CCNI: variants seen among roughly 807,000 people sequenced by gnomAD.
The protein encoded by CCNI is cyclin-I.
A neutral mutation model predicts 34.1 loss-of-function variants in CCNI; 14 were observed. The observed-to-expected ratio is 0.41, with a 90% confidence interval of 0.27 to 0.64. The LOEUF (loss-of-function observed/expected upper bound fraction) is 0.64, where lower values mean the gene tolerates loss of function less well. Ranked by LOEUF, CCNI falls within the 30% of genes least tolerant of loss-of-function variation. The probability of loss-of-function intolerance (pLI) is 0.31; values close to 1 mark genes in which losing one functional copy is unlikely to be tolerated. For synonymous variants in CCNI, 154 were observed against 158.4 expected, an observed-to-expected ratio of 0.97 and a Z score of 0.21; for missense variants, 385 against 440.5, an observed-to-expected ratio of 0.87 and a Z score of 1.13.
intron 3 of CCNI, among the ~76,000 whole-genome samples, 195 bp downstream of exon 3, chr4:77,058,312 A>G (rs1578240542): frequency 1.3e-5 from 2 of 152,316 alleles, no homozygotes; most frequent in East Asian, 3.9e-4. Flanking sequence ...AGGGCAACAG[A>G]GCAAAACTAT....
intron 1 of CCNI, among the ~76,000 whole-genome samples, chr4:77,070,017 C>CT (rs569456948): frequency 0.05 from 6,562 of 131,528 alleles, 385 homozygotes; most frequent in African/African-American, 0.13. Flanking sequence ...AAATCATGGG[C>CT]TTTTTTTTTT....
At chr4:77,070,474 CTTTT>C (rs543086530) in intron 1 of CCNI, among the ~76,000 whole-genome samples, 9 of 119,164 alleles carry the variant, frequency 7.6e-5, no homozygotes, top group East Asian at 7.4e-4. Flanking sequence ...TGGGTACTTT[CTTTT>C]TTTTTTTTTT....
chr4:77,060,059 ACT>A (rs1728499678), intron 2 of CCNI, among the ~76,000 whole-genome samples: 1 of 151,638 alleles, frequency 6.6e-6, no homozygotes, highest in Non-Finnish European at 1.5e-5. Flanking sequence ...AACACCATTA[ACT>A]CTAACCTTCA....
chr4:77,055,054 T>C (rs1728115440), intron 6 of CCNI, 96 bp downstream of exon 6: 3 of 764,334 alleles, frequency 3.9e-6, no homozygotes, highest in Non-Finnish European at 6.5e-6. Context: ...TGGTTTGCCA[T>C]TACAACATGA....
Position 77,055,317 on chromosome 4 carries a change from A to T in CCNI, c.523T>A (p.Ser175Thr). The change falls in exon 6 of 7, where the codon TCT becomes ACT. Residue 175 changes from serine (S) to threonine (T), a missense_variant. Around this residue, in one of 2 missense-constraint regions of CCNI, gnomAD observed 250 missense variants for 248.7 expected, o/e 1.01. Transcript: ENST00000237654. Reference protein sequence around the residue: ...LLFSLPKLSPSQHLAVLTKQL... With the variant: ...LLFSLPKLSPTQHLAVLTKQL... Reference sequence around the variant, plus strand: ...TTGGTAAGGACTGCCAAATGTTGAGATGGGCTCAATTTGGGCAAACTGAAA... The same window carrying T: ...TTGGTAAGGACTGCCAAATGTTGAGTTGGGCTCAATTTGGGCAAACTGAAA... 1 of 1,614,228 alleles carries T rather than the reference A, an allele frequency of 6.2e-7. No individual in the cohort carries two copies. The highest frequency in any genetic ancestry group is 8.5e-7 in the Non-Finnish European group (1 of 1,180,024).
chr4:77,075,444 AGCCCCCGCCCCC>A lies in CCNI; in HGVS notation c.-44+16_-44+27del, dbSNP rs559043587. The stretch of plus-strand genomic sequence containing the variant: ...CGACGCCGGCCGCGGAGACGCGTCG[AGCCCCCGCCCCC>A]GCCCCCGCCCCTCACCTTCTCCTCC... On this transcript the variant is annotated intron_variant, in intron 1 of 6. Transcript: ENST00000237654. 2.4e-4 allele frequency: 182 copies of A among 772,534 alleles called. No individual in the cohort carries two copies. Among genetic ancestry groups the A allele is most frequent in the Admixed American group, 5.7e-4 (9 of 15,886 alleles). 47.9% of individuals were successfully genotyped at this position (772,534 alleles called of 1,614,324 possible). A position where few individuals can be genotyped will look rare whatever the true frequency, so the allele number is the denominator to read the frequency against.
chr4:77,056,177 CA>C, intron 4 of CCNI, 71 bp downstream of exon 4: 1 of 1,595,978 alleles, frequency 6.3e-7, no homozygotes, highest in African/African-American at 1.3e-5. Flanking sequence ...TTTGTTTTAG[CA>C]AACGAAGCAA....
rs1042038262 is a variant in CCNI, at chr4:77,053,949, A to G, written c.690+1201T>C. Among the ~76,000 whole-genome samples the G allele has an allele frequency of 2.6e-5, 4 of 152,178 alleles. 1 individual carries two copies. Among genetic ancestry groups the G allele is most frequent in the Admixed American group, 2.6e-4 (4 of 15,284 alleles). On this transcript the variant is annotated intron_variant, in intron 6 of 6. Transcript: ENST00000237654. ...TATTTTAATCTAAGACAATTAAGAT[A>G]TCCCTTCAAAACAAAAAACAGCCCA... is the stretch of plus-strand genomic sequence containing the variant.
chr4:77,053,727 G>A (rs187341890), intron 6 of CCNI, among the ~76,000 whole-genome samples: 2 of 152,232 alleles, frequency 1.3e-5, no homozygotes, highest in Non-Finnish European at 2.9e-5. Context: ...AATGTAGGAG[G>A]TTTTCTATTA....
At chr4:77,064,585 G>GCGCGCACACACACA (rs375436623) in intron 2 of CCNI, 61 of 143,098 alleles carry the variant, frequency 4.3e-4, no homozygotes, top group African/African-American at 1.5e-3. Flanking sequence ...GCGCGCGCGC[G>GCGCGCACACACACA]CACACACACA....
At chr4:77,056,818 C>T (rs908347320) in intron 3 of CCNI, among the ~76,000 whole-genome samples, 4 of 151,986 alleles carry the variant, frequency 2.6e-5, no homozygotes, top group African/African-American at 4.8e-5. Flanking sequence ...GGTCTCATCT[C>T]CTGACCTCGT....
At position 77,075,500 on chromosome 4, in the gene CCNI, T is replaced by C. The variant is rs529117618; in HGVS notation, c.-72A>G. ...CTCCTCCTCTTCCTCCTCCTCCTCC[T>C]CCCCGGCAGAGCTGTAGGCCTCACA... On this transcript the variant is annotated 5_prime_UTR_variant, in exon 1 of 7. Transcript: ENST00000237654. The C allele has an allele frequency of 2.7e-5, 26 of 951,910 alleles. No individual in the cohort carries two copies. The African/African-American group carries it at 4.1e-4, about 15-fold the overall frequency. 59.0% of individuals were successfully genotyped at this position (951,910 alleles called of 1,614,324 possible).
chr4:77,056,084 C>A lies in CCNI; in HGVS notation c.337G>T (p.Val113Leu). The A allele has an allele frequency of 6.2e-7, 1 of 1,613,660 alleles. No homozygotes were observed. The highest frequency in any genetic ancestry group is 8.5e-7 in the Non-Finnish European group (1 of 1,179,802). The change falls in exon 5 of 7, where the codon GTA becomes TTA. Residue 113 changes from valine to leucine, a missense_variant. By Grantham distance (32) the Val-to-Leu change is conservative. Around this residue, in one of 2 missense-constraint regions of CCNI, gnomAD observed 135 missense variants for 191.8 expected, o/e 0.70. Transcript: ENST00000237654. Reference sequence around the variant, plus strand: ...CCACAGAAACTGTCTCTTGCCAATACCTTTAGTACTGGAATTCTCTATCCA... The same window carrying A: ...CCACAGAAACTGTCTCTTGCCAATAACTTTAGTACTGGAATTCTCTATCCA... ...EEDERIPVLKVLARDSFCGCS... is the reference protein window; with the variant it reads ...EEDERIPVLKLLARDSFCGCS...
chr4:77,055,453 C>T, intron 5 of CCNI, 73 bp from the exon 6 acceptor site: 6 of 986,198 alleles, frequency 6.1e-6, no homozygotes. Context: ...TTGATGCAAC[C>T]TATTCAATTT....
intron 1 of CCNI, among the ~76,000 whole-genome samples, chr4:77,067,105 G>A (rs901735905): frequency 1.3e-5 from 2 of 152,082 alleles, no homozygotes; most frequent in African/African-American, 4.8e-5. Flanking sequence ...GGTGGTGGGC[G>A]CCTGTAATCC....
chr4:77,049,071 CAT>C (rs985275720), intron 6 of CCNI, among the ~76,000 whole-genome samples: 3 of 139,086 alleles, frequency 2.2e-5, no homozygotes, highest in Middle Eastern at 3.7e-3. Flanking sequence ...CCAAAGTACT[CAT>C]AAACACATTC....
chr4:77,075,651 G>C lies in CCNI; in HGVS notation c.-223C>G. On this transcript the variant is annotated 5_prime_UTR_variant, in exon 1 of 7. Transcript: ENST00000237654. ...AGGGGAAGCGGATCGGGGGGCGCGG[G>C]CGCGGGCGCTGGCGCTCGAGCGGGA... 1.2e-6 allele frequency: 1 copy of C among 837,224 alleles called. No homozygotes were observed. The highest frequency in any genetic ancestry group is 1.4e-6 in the Non-Finnish European group (1 of 693,920). The allele number at this position is 837,224 out of a possible 1,614,324, so 51.9% of individuals were successfully genotyped here.
intron 2 of CCNI, among the ~76,000 whole-genome samples, chr4:77,064,039 C>T (rs571721705): frequency 1.2e-4 from 19 of 152,088 alleles, no homozygotes; most frequent in Admixed American, 1.3e-4. Flanking sequence ...GTGAGGAGTT[C>T]GAGACCAGCT....
At chr4:77,056,226 A>C in intron 4 of CCNI, 23 bp downstream of exon 4, 4 of 1,606,234 alleles carry the variant, frequency 2.5e-6, no homozygotes, top group Non-Finnish European at 3.4e-6. Flanking sequence ...CGGAAGAAAC[A>C]TTATCTTGAA....
Sources: allele counts gnomAD v4.1 joint callset (sites outside exome capture counted in the v4.1 genomes callset), GRCh38; gene constraint gnomAD v4.1.1; regional missense constraint gnomAD v4.1.1; transcripts MANE v1.5; gene names NCBI Gene and HGNC (gene_info 2026-07-23, HGNC 2026-07-21).